Variants in ZNF266 observed in about 807,000 individuals in gnomAD.
ZNF266 encodes zinc finger protein 266, also known as zinc finger protein 1.
Under a neutral mutation model 16.4 loss-of-function variants are expected in ZNF266, and 16 were observed. That is an observed-to-expected ratio of 0.98 (90% CI 0.66 to 1.48). The LOEUF (loss-of-function observed/expected upper bound fraction) is 1.48, where lower values mean the gene tolerates loss of function less well. Among genes scored for constraint, ZNF266 ranks in the 40% most tolerant of loss-of-function variants. ZNF266 has a pLI of 0.00. For synonymous variants in ZNF266, 262 were observed against 237.9 expected, an observed-to-expected ratio of 1.10 and a Z score of -0.93; for missense variants, 738 against 689.1, an observed-to-expected ratio of 1.07 and a Z score of -0.79.
chr19:9,418,549 T>C lies in ZNF266; in HGVS notation c.191A>G (p.Tyr64Cys). ...TLLDPTQRNL[Y>C]RDVMLENYKN... is the part of the protein sequence containing the mutation. Reference sequence around the variant, plus strand: ...GTAGTTCTCCAGCATCACATCTCTGTAGAGGTTTCTCTGAGTTGGGTCCAG... The same window carrying C: ...GTAGTTCTCCAGCATCACATCTCTGCAGAGGTTTCTCTGAGTTGGGTCCAG... The change falls in exon 8 of 11, where the codon TAC (tyrosine) becomes TGC (cysteine). Residue 64 changes from tyrosine (Y) to cysteine (C), a missense_variant. Physicochemically the swap from Tyr to Cys is radical, Grantham distance 194. Coordinates refer to ENST00000592904, the MANE Select transcript of ZNF266 (RefSeq NM_001370374.1). The C allele has an allele frequency of 1.2e-6, 2 of 1,614,184 alleles. No homozygotes were observed. Among genetic ancestry groups the C allele is most frequent in the Non-Finnish European group, 1.7e-6 (2 of 1,180,012 alleles).
Position 9,423,717 on chromosome 19 carries a change from C to T in ZNF266, c.-129-3499G>A, listed in dbSNP as rs1318685204. 3.3e-5 allele frequency among the ~76,000 whole-genome samples: 5 copies of T among 152,260 alleles called. No individual in the cohort carries two copies. In the East Asian group the frequency reaches 9.7e-4, roughly 29 times the overall value. ...TGGGTCCAAGAATTGATGAGTAGGCCAGGCGCGGTGGCTCATGCCTGGAAT... is the reference window on the plus strand; with the variant it reads ...TGGGTCCAAGAATTGATGAGTAGGCTAGGCGCGGTGGCTCATGCCTGGAAT... On this transcript the variant is annotated intron_variant, in intron 5 of 10. Transcript: ENST00000592904.
rs1333306098 is a variant in ZNF266, at chr19:9,435,141, T to TG, written c.-506dup. The stretch of plus-strand genomic sequence containing the variant: ...GCTGGACTCGCCAGGTACGGGAGAT[T>TG]GGGGGGATGAAGGACCAGTCAACCT... On this transcript the variant is annotated 5_prime_UTR_variant, in exon 2 of 11. Coordinates refer to ENST00000592904, the MANE Select transcript of ZNF266 (RefSeq NM_001370374.1). The TG allele has an allele frequency of 8.6e-6, 1 of 116,174 alleles. No homozygotes were observed. The highest frequency in any genetic ancestry group is 3.5e-5 in the African/African-American group (1 of 28,272). 7.2% of individuals were successfully genotyped at this position (116,174 alleles called of 1,614,324 possible). A position where few individuals can be genotyped will look rare whatever the true frequency, so the allele number is the denominator to read the frequency against.
chr19:9,431,491 C>G (rs573104900), intron 5 of ZNF266, among the ~76,000 whole-genome samples: 3 of 152,346 alleles, frequency 2.0e-5, no homozygotes, highest in South Asian at 4.1e-4. Context: ...AACGTGAACA[C>G]TGAAGTCCCA....
In ZNF266 at chr19:9,413,165, G is replaced by A; in HGVS notation, c.*110C>T. On this transcript the variant is annotated 3_prime_UTR_variant, in exon 11 of 11. Coordinates refer to ENST00000592904, the MANE Select transcript of ZNF266 (RefSeq NM_001370374.1). ...CTGTGAATTCATATGTGTTCATTAAGACCTGAGATACAAAGTTGCTTCCAC... is the reference window on the plus strand; with the variant it reads ...CTGTGAATTCATATGTGTTCATTAAAACCTGAGATACAAAGTTGCTTCCAC... 7.4e-7 allele frequency: 1 copy of A among 1,350,778 alleles called. No homozygotes were observed. 83.7% of individuals were successfully genotyped at this position (1,350,778 alleles called of 1,614,324 possible).
intron 5 of ZNF266, among the ~76,000 whole-genome samples, chr19:9,426,839 T>C (rs1012681993): frequency 2.0e-5 from 3 of 151,956 alleles, no homozygotes; most frequent in African/African-American, 7.3e-5. Context: ...AGAAAAAAAA[T>C]AGGTACGCCT....
At chr19:9,426,515 G>C (rs7252370) in intron 5 of ZNF266, among the ~76,000 whole-genome samples, 83,450 of 148,686 alleles carry the variant, frequency 0.56, 23,642 homozygotes, top group Middle Eastern at 0.63. Flanking sequence ...AAAAAGCCTC[G>C]AGATTTAGGA....
chr19:9,417,184 A>G (rs1311664811), intron 9 of ZNF266, among the ~76,000 whole-genome samples: 1 of 150,592 alleles, frequency 6.6e-6, no homozygotes, highest in African/African-American at 2.4e-5. Flanking sequence ...CAGCGTGGCC[A>G]ATGTGGTGAA....
chr19:9,419,405 G>C (rs1978711), intron 6 of ZNF266, 106 bp from the exon 7 acceptor site: 85,612 of 152,282 alleles, frequency 0.56, 24,303 homozygotes, highest in Middle Eastern at 0.63. Flanking sequence ...ATATACTCCC[G>C]CACACTCAAG....
At chr19:9,425,948 G>A (rs1468552396) in intron 5 of ZNF266, among the ~76,000 whole-genome samples, 4 of 152,130 alleles carry the variant, frequency 2.6e-5, no homozygotes, top group Non-Finnish European at 5.9e-5. Context: ...AAGGGTTAGC[G>A]GAGTGCAAGA....
intron 5 of ZNF266, among the ~76,000 whole-genome samples, chr19:9,423,479 T>C (rs1232523714): frequency 6.6e-6 from 1 of 152,184 alleles, no homozygotes; most frequent in Non-Finnish European, 1.5e-5. Flanking sequence ...AGTGCAACAA[T>C]GGAAGCATGT....
At chr19:9,430,239 C>A (rs1417845011) in intron 5 of ZNF266, among the ~76,000 whole-genome samples, 2 of 152,176 alleles carry the variant, frequency 1.3e-5, no homozygotes, top group South Asian at 2.1e-4. Context: ...CCTTCGTTCT[C>A]GCTTCTGTAA....
At position 9,413,819 on chromosome 19, in the gene ZNF266, T is replaced by C; in HGVS notation, c.1307A>G (p.Lys436Arg). The change falls in exon 11 of 11, where the codon AAG (lysine) becomes AGG (arginine). Residue 436 changes from lysine (K) to arginine (R), a missense_variant. Coordinates refer to ENST00000592904, the MANE Select transcript of ZNF266 (RefSeq NM_001370374.1). ...KAFTQNSDLTKHARTHSGERP... is the reference protein window; with the variant it reads ...KAFTQNSDLTRHARTHSGERP... Reference sequence around the variant, plus strand: ...CTCTCCACTGTGAGTTCGTGCATGCTTAGTAAGGTCTGAGTTCTGAGTGAA... The same window carrying C: ...CTCTCCACTGTGAGTTCGTGCATGCCTAGTAAGGTCTGAGTTCTGAGTGAA... 1.2e-6 allele frequency: 2 copies of C among 1,614,078 alleles called. No homozygotes were observed. Among genetic ancestry groups the C allele is most frequent in the East Asian group, 2.2e-5 (1 of 44,862 alleles).
At chr19:9,426,804 T>C (rs76016062) in intron 5 of ZNF266, among the ~76,000 whole-genome samples, 3,737 of 152,222 alleles carry the variant, frequency 0.025, 93 homozygotes, top group African/African-American at 0.063. Flanking sequence ...CTCCCTAAAA[T>C]CTTAAAAGGG....
chr19:9,426,072 C>T (rs1301431767), intron 5 of ZNF266, among the ~76,000 whole-genome samples: 4 of 152,122 alleles, frequency 2.6e-5, no homozygotes, highest in South Asian at 2.1e-4. Context: ...GACGGCACCT[C>T]GCTGGCAAGG....
chr19:9,430,931 A>G (rs906271771), intron 5 of ZNF266, among the ~76,000 whole-genome samples: 1 of 152,170 alleles, frequency 6.6e-6, no homozygotes, highest in Non-Finnish European at 1.5e-5. Flanking sequence ...TGCTGTCAGG[A>G]CCTCAAGGGC....
chr19:9,423,761 C>T (rs546354973), intron 5 of ZNF266, among the ~76,000 whole-genome samples: 14 of 152,106 alleles, frequency 9.2e-5, no homozygotes, highest in South Asian at 4.2e-4. Context: ...TTTGGGAGGC[C>T]GAGGCAGGTG....
intron 5 of ZNF266, among the ~76,000 whole-genome samples, chr19:9,429,854 A>C (rs1387046681): frequency 6.6e-6 from 1 of 152,152 alleles, no homozygotes; most frequent in Admixed American, 6.6e-5. Flanking sequence ...CATGTCGGTA[A>C]ACTCCTTAAC....
chr19:9,425,660 G>C (rs1473785079), intron 5 of ZNF266, among the ~76,000 whole-genome samples: 1 of 152,194 alleles, frequency 6.6e-6, no homozygotes, highest in Non-Finnish European at 1.5e-5. Context: ...CCTCTCTGCT[G>C]CTGTGCATTG....
intron 9 of ZNF266, among the ~76,000 whole-genome samples, chr19:9,416,685 T>G (rs370714464): frequency 2.2e-5 from 3 of 138,980 alleles, no homozygotes; most frequent in Non-Finnish European, 3.1e-5. Context: ...TTTTTTTTTT[T>G]TTTTGAGACA....
Sources: allele counts gnomAD v4.1 joint callset (sites outside exome capture counted in the v4.1 genomes callset), GRCh38; gene constraint gnomAD v4.1.1; transcripts MANE v1.5; gene names NCBI Gene and HGNC (gene_info 2026-07-23, HGNC 2026-07-21).